Variants in ZNF479 observed in about 807,000 individuals in gnomAD.
The protein encoded by ZNF479 is KRAB zinc finger protein KR19.
In ZNF479, 15 loss-of-function variants were observed where a neutral mutation model predicts 14.7. The observed-to-expected ratio is 1.02, with a 90% CI of 0.68 to 1.57. The LOEUF is 1.57. Among genes scored for constraint, ZNF479 ranks in the 40% most tolerant of loss-of-function variants. The probability of loss-of-function intolerance (pLI) is 0.00; values close to 1 mark genes in which losing one functional copy is unlikely to be tolerated. For missense variants in ZNF479, 506 were observed against 615.1 expected (o/e 0.82, Z 1.88); for synonymous variants, 145 against 211.5 (o/e 0.69, Z 2.73).
intron 1 of ZNF479, among the ~76,000 whole-genome samples, chr7:57,131,570 AAAAACAAACAAACAAAC>A (rs1786420288): frequency 1.5e-5 from 2 of 135,016 alleles, no homozygotes; most frequent in South Asian, 2.5e-4. Flanking sequence ...CTCAAAAATA[AAAAACAAACAAACAAAC>A]AAAAAAAAAA....
chr7:57,128,686 A>G (rs1015308504), intron 1 of ZNF479, among the ~76,000 whole-genome samples: 28 of 149,656 alleles, frequency 1.9e-4, no homozygotes, highest in African/African-American at 7.2e-4. Context: ...GAAAACAAAT[A>G]TTTTTTTCAG....
chr7:57,136,636 GCTT>G (rs1342470909), upstream of ZNF479, among the ~76,000 whole-genome samples: 1 of 152,162 alleles, frequency 6.6e-6, no homozygotes, highest in Non-Finnish European at 1.5e-5. Context: ...GCTGCTGGAG[GCTT>G]CTTCTGGGAG....
chr7:57,133,093 C>G (rs1786507844), upstream of ZNF479, among the ~76,000 whole-genome samples: 1 of 152,058 alleles, frequency 6.6e-6, no homozygotes, highest in Non-Finnish European at 1.5e-5. Flanking sequence ...GAGATGGCGC[C>G]ATTGCACTCC....
Position 57,120,495 on chromosome 7 carries a change from C to A in ZNF479, c.920G>T (p.Ser307Ile). 6.2e-7 allele frequency: 1 copy of A among 1,611,074 alleles called. No homozygotes were observed. The change falls in exon 4 of 4, where the codon AGC becomes ATC. Residue 307 changes from serine (S) to isoleucine (I), a missense_variant. Ser to Ile is a moderately radical substitution (Grantham distance 142). This residue lies in a region of ZNF479 where 420 missense variants were observed against 474.2 expected (regional missense o/e 0.89). Transcript: ENST00000319636. ...GTGGTCAGTGAGGGTTGAGGATACGCTAAAGGCTTTGCCACATTCTTCACA... is the reference window on the plus strand; with the variant it reads ...GTGGTCAGTGAGGGTTGAGGATACGATAAAGGCTTTGCCACATTCTTCACA... ...YKCEECGKAFSVSSTLTDHKR... is the reference protein window; with the variant it reads ...YKCEECGKAFIVSSTLTDHKR...
At chr7:57,134,098 T>C (rs959473551), upstream of ZNF479, among the ~76,000 whole-genome samples, 7 of 152,176 alleles carry the variant, frequency 4.6e-5, no homozygotes, top group African/African-American at 1.7e-4. Flanking sequence ...CAGAGGCATC[T>C]GAAGCAGAGA....
chr7:57,131,791 C>G (rs565035790), intron 1 of ZNF479, among the ~76,000 whole-genome samples: 20 of 152,212 alleles, frequency 1.3e-4, no homozygotes, highest in African/African-American at 4.6e-4. Flanking sequence ...TTCTTCAAGT[C>G]TCTCCCATGG....
intron 1 of ZNF479, among the ~76,000 whole-genome samples, chr7:57,128,512 A>ACG (rs1488954185): frequency 6.6e-6 from 1 of 152,198 alleles, no homozygotes; most frequent in Non-Finnish European, 1.5e-5. Flanking sequence ...TCCAAAGACA[A>ACG]CGGTATTTCC....
At chr7:57,139,657 A>C (rs1389425442) in exon 1 of ZNF479, 1 of 152,194 alleles carries the variant, frequency 6.6e-6, no homozygotes, top group African/African-American at 2.4e-5. Flanking sequence ...AGCTGTCCTC[A>C]GGGGAAATTG....
upstream of ZNF479, among the ~76,000 whole-genome samples, chr7:57,134,095 A>G (rs926682985): frequency 1.3e-5 from 2 of 152,180 alleles, no homozygotes; most frequent in Admixed American, 6.5e-5. Context: ...TGTCAGAGGC[A>G]TCTGAAGCAG....
chr7:57,122,679 G>C (rs1473413751), intron 3 of ZNF479, among the ~76,000 whole-genome samples: 5 of 152,118 alleles, frequency 3.3e-5, no homozygotes, highest in African/African-American at 1.2e-4. Context: ...AAAATATACT[G>C]TTGTAACATT....
rs569452344 is a variant in ZNF479 at position 57,126,722 on chromosome 7, G to T, written c.40-4C>A. 1 of 1,613,464 alleles carries T rather than the reference G, an allele frequency of 6.2e-7. No homozygotes were observed. Among genetic ancestry groups the T allele is most frequent in the South Asian group, 1.1e-5 (1 of 91,072 alleles). On this transcript the variant is annotated splice_region_variant and splice_polypyrimidine_tract_variant and intron_variant, in intron 1 of 3. Transcript: ENST00000319636. ...TGTCTCTGAATGTCAACAGTCCCTGGAAAACAAACAAACAAAACCACTCAT... is the reference window on the plus strand; with the variant it reads ...TGTCTCTGAATGTCAACAGTCCCTGTAAAACAAACAAACAAAACCACTCAT...
Position 57,121,040 on chromosome 7 carries a change from A to G in ZNF479, c.375T>C (p.Phe125=). The G allele has an allele frequency of 1.9e-6, 3 of 1,613,924 alleles. No homozygotes were observed. The highest frequency in any genetic ancestry group is 2.5e-6 in the Non-Finnish European group (3 of 1,179,970). The change falls in exon 4 of 4, where the codon TTT becomes TTC. Residue 125 remains phenylalanine, a synonymous_variant. Transcript: ENST00000319636. ...YGKCGHEKLQ[F]KKCCKSVGEY... is the part of the protein sequence containing the mutation. ...CACCCACACTTTTACAGCATTTTTT[A>G]AATTGTAATTTCTCATGTCCACATT...
rs782450988 is a variant in ZNF479, at chr7:57,120,498, A to C, written c.917T>G (p.Phe306Cys). Reference sequence around the variant, plus strand: ...GTCAGTGAGGGTTGAGGATACGCTAAAGGCTTTGCCACATTCTTCACATTT... The same window carrying C: ...GTCAGTGAGGGTTGAGGATACGCTACAGGCTTTGCCACATTCTTCACATTT... ...PYKCEECGKA[F>C]SVSSTLTDHK... is the part of the protein sequence containing the mutation. Residue 306 changes from phenylalanine (F) to cysteine (C), a missense_variant, in exon 4 of 4, where the codon TTT becomes TGT. Coordinates refer to ENST00000319636, the MANE Select transcript of ZNF479 (RefSeq NM_001370129.2). 1 of 1,610,764 alleles carries C rather than the reference A, an allele frequency of 6.2e-7. No individual in the cohort carries two copies. Among genetic ancestry groups the C allele is most frequent in the South Asian group, 1.1e-5 (1 of 90,936 alleles).
intron 1 of ZNF479, among the ~76,000 whole-genome samples, chr7:57,130,496 C>A (rs1475630722): frequency 2.6e-5 from 4 of 151,080 alleles, no homozygotes; most frequent in African/African-American, 9.7e-5. Flanking sequence ...TTCAAAGGAA[C>A]CAGAAGTTAA....
At chr7:57,125,010 G>A (rs1283045762) in intron 3 of ZNF479, among the ~76,000 whole-genome samples, 1 of 152,162 alleles carries the variant, frequency 6.6e-6, no homozygotes, top group African/African-American at 2.4e-5. Context: ...GGCAGAGGTT[G>A]CTGTGAGCTG....
rs1785764900 is a variant in ZNF479 at position 57,118,250 on chromosome 7, T to C, written c.*1590A>G. Among the ~76,000 whole-genome samples the C allele has an allele frequency of 6.6e-6, 1 of 152,280 alleles. No homozygotes were observed. Among genetic ancestry groups the C allele is most frequent in the African/African-American group, 2.4e-5 (1 of 41,484 alleles). ...TTCCTTTAATATAAAATGTGTACAA[T>C]AAAATCTGTAATGGAAGTAAAGGTA... On this transcript the variant is annotated 3_prime_UTR_variant, in exon 4 of 4. Coordinates refer to ENST00000319636, the MANE Select transcript of ZNF479 (RefSeq NM_001370129.2).
chr7:57,130,727 A>T (rs768896124), intron 1 of ZNF479, among the ~76,000 whole-genome samples: 6 of 152,222 alleles, frequency 3.9e-5, no homozygotes, highest in Middle Eastern at 3.2e-3. Flanking sequence ...CTGAAAACAG[A>T]ATTACCATTC....
chr7:57,119,647 G>A lies in ZNF479; in HGVS notation c.*193C>T. The stretch of plus-strand genomic sequence containing the variant: ...AAATAAATTCTCTTAGGTTTATTAA[G>A]GTTTGAGGGTTGGTTAAAGGCTTTG... On this transcript the variant is annotated 3_prime_UTR_variant, in exon 4 of 4. Coordinates refer to ENST00000319636, the MANE Select transcript of ZNF479 (RefSeq NM_001370129.2). 1.6e-6 allele frequency: 1 copy of A among 606,690 alleles called. No individual in the cohort carries two copies. The highest frequency in any genetic ancestry group is 2.2e-5 in the South Asian group (1 of 45,782). 37.6% of individuals were successfully genotyped at this position (606,690 alleles called of 1,614,324 possible).
upstream of ZNF479, among the ~76,000 whole-genome samples, chr7:57,134,099 G>GA (rs1383273171): frequency 6.6e-6 from 1 of 152,166 alleles, no homozygotes; most frequent in Non-Finnish European, 1.5e-5. Context: ...AGAGGCATCT[G>GA]AAGCAGAGAA....
Sources: allele counts gnomAD v4.1 joint callset (sites outside exome capture counted in the v4.1 genomes callset), GRCh38; gene constraint gnomAD v4.1.1; regional missense constraint gnomAD v4.1.1; transcripts MANE v1.5; gene names NCBI Gene and HGNC (gene_info 2026-07-23, HGNC 2026-07-21).